The following PPP3CA variants were observed in gnomAD, a reference collection of about 807,000 sequenced individuals.
The protein encoded by PPP3CA is CAM-PRP catalytic subunit.
A neutral mutation model predicts 66.5 loss-of-function variants in PPP3CA; 14 were observed. The ratio of observed to expected loss-of-function variants is 0.21; its 90% CI spans 0.14 to 0.33. The LOEUF is 0.33. Ranked by LOEUF, PPP3CA falls within the 10% of genes least tolerant of loss-of-function variation. The pLI is 1.00. For missense variants in PPP3CA, 317 were observed against 639.5 expected (o/e 0.50, Z 5.44); for synonymous variants, 232 against 226.2 (o/e 1.03, Z -0.23).
intron 1 of PPP3CA, among the ~76,000 whole-genome samples, chr4:101,282,561 C>T (rs572173901): frequency 1.3e-5 from 2 of 152,348 alleles, no homozygotes; most frequent in East Asian, 3.9e-4. Flanking sequence ...GTTTGACTCA[C>T]ACTCATTCTG....
chr4:101,046,192 A>G (rs1184392750), intron 10 of PPP3CA, among the ~76,000 whole-genome samples: 1 of 152,190 alleles, frequency 6.6e-6, no homozygotes, highest in Non-Finnish European at 1.5e-5. Context: ...TTTTGTTTTA[A>G]AAGTCTAATC....
rs536095921 is a variant in PPP3CA, at chr4:101,274,106, ACCAG to A, written c.58+72629_58+72632del. 3.7e-3 allele frequency among the ~76,000 whole-genome samples: 564 copies of A among 152,230 alleles called. 2 individuals are homozygous for A. Among genetic ancestry groups the A allele is most frequent in the African/African-American group, 0.013 (535 of 41,538 alleles). On this transcript the variant is annotated intron_variant, in intron 1 of 13. Transcript: ENST00000394854. ...GATCACCTGAGGTCAGGAGTTCAAG[ACCAG>A]CCTGGCCAACATGGTAAAACCCCGT...
intron 1 of PPP3CA, among the ~76,000 whole-genome samples, chr4:101,203,913 A>G (rs753437797): frequency 6.6e-6 from 1 of 152,216 alleles, no homozygotes. Flanking sequence ...AGTTATTTTA[A>G]TGGTTTCAAA....
At chr4:101,102,752 ATTAG>A in intron 3 of PPP3CA, among the ~76,000 whole-genome samples, 1 of 152,194 alleles carries the variant, frequency 6.6e-6, no homozygotes, top group Non-Finnish European at 1.5e-5. Flanking sequence ...GTGAAATACA[ATTAG>A]TTAATTGTTT....
chr4:101,315,139 G>A (rs1243111526), intron 1 of PPP3CA, among the ~76,000 whole-genome samples: 3 of 152,076 alleles, frequency 2.0e-5, no homozygotes, highest in Non-Finnish European at 2.9e-5. Context: ...TGGGATTCAC[G>A]TCTTTAAAAA....
At chr4:101,090,965 T>C (rs1175716878) in intron 6 of PPP3CA, among the ~76,000 whole-genome samples, 1 of 149,494 alleles carries the variant, frequency 6.7e-6, no homozygotes, top group Non-Finnish European at 1.5e-5. Flanking sequence ...CATATCTGTG[T>C]CTATATTATA....
intron 3 of PPP3CA, among the ~76,000 whole-genome samples, chr4:101,104,012 A>C (rs950858753): frequency 2.6e-5 from 4 of 152,206 alleles, no homozygotes; most frequent in African/African-American, 9.6e-5. Flanking sequence ...AATGATTTCT[A>C]ATTTTGGCAA....
intron 2 of PPP3CA, among the ~76,000 whole-genome samples, chr4:101,167,073 T>C (rs764490044): frequency 3.3e-5 from 5 of 152,184 alleles, no homozygotes; most frequent in Non-Finnish European, 7.4e-5. Flanking sequence ...CCAAATTCCA[T>C]TCTCTTAACT....
chr4:101,038,430 C>T (rs948691310), intron 11 of PPP3CA, among the ~76,000 whole-genome samples: 13 of 150,058 alleles, frequency 8.7e-5, no homozygotes, highest in East Asian at 3.9e-4. Context: ...AGTGCAGTGG[C>T]GCGATCTCGG....
chr4:101,303,282 A>C (rs1728435056), intron 1 of PPP3CA, among the ~76,000 whole-genome samples: 1 of 152,176 alleles, frequency 6.6e-6, no homozygotes, highest in Admixed American at 6.5e-5. Context: ...TGTAATATTC[A>C]TATTCATTTC....
intron 3 of PPP3CA, among the ~76,000 whole-genome samples, chr4:101,104,433 G>T (rs1173435162): frequency 1.3e-5 from 2 of 150,756 alleles, no homozygotes; most frequent in African/African-American, 4.9e-5. Flanking sequence ...ATAATAGTGT[G>T]TACCAGTTTC....
Position 101,025,151 on chromosome 4 carries a change from T to C in PPP3CA, c.*714A>G, listed in dbSNP as rs1340055256. The C allele has an allele frequency of 6.6e-6, 1 of 152,414 alleles. No individual in the cohort carries two copies. The highest frequency in any genetic ancestry group is 6.6e-5 in the Admixed American group (1 of 15,252). The allele number at this position is 152,414 out of a possible 1,614,324, so 9.4% of individuals were successfully genotyped here. On this transcript the variant is annotated 3_prime_UTR_variant, in exon 14 of 14. Transcript: ENST00000394854. The stretch of plus-strand genomic sequence containing the variant: ...AGTTTTTTTAAAACTTAAAAGATAT[T>C]CCATTGCCGAATTAAGAAGAAGATA...
intron 1 of PPP3CA, among the ~76,000 whole-genome samples, chr4:101,292,732 G>A (rs771923298): frequency 1.3e-5 from 2 of 152,042 alleles, no homozygotes; most frequent in Non-Finnish European, 2.9e-5. Context: ...CTTAGGATAG[G>A]GCAAACAACA....
At chr4:101,299,455 A>AC (rs1478131506) in intron 1 of PPP3CA, among the ~76,000 whole-genome samples, 1 of 150,578 alleles carries the variant, frequency 6.6e-6, no homozygotes, top group Non-Finnish European at 1.5e-5. Flanking sequence ...CAATCCTCCC[A>AC]CCTCTGCCTG....
At position 101,024,918 on chromosome 4, in the gene PPP3CA, T is replaced by G. The variant is rs1726556330; in HGVS notation, c.*947A>C. On this transcript the variant is annotated 3_prime_UTR_variant, in exon 14 of 14. Coordinates refer to ENST00000394854, the MANE Select transcript of PPP3CA (RefSeq NM_000944.5). ...CATACAGGCCGATACAGCCATTTTT[T>G]TTTTCTTAAAAAACATGCATAGGCA... is the stretch of plus-strand genomic sequence containing the variant. 6.6e-6 allele frequency: 1 copy of G among 152,360 alleles called. No homozygotes were observed. The highest frequency in any genetic ancestry group is 1.5e-5 in the Non-Finnish European group (1 of 68,036). 9.4% of individuals were successfully genotyped at this position (152,360 alleles called of 1,614,324 possible). A position where few individuals can be genotyped will look rare whatever the true frequency, so the allele number is the denominator to read the frequency against.
chr4:101,341,870 A>T (rs1026683376), intron 1 of PPP3CA, among the ~76,000 whole-genome samples: 4 of 152,200 alleles, frequency 2.6e-5, no homozygotes, highest in Non-Finnish European at 2.9e-5. Context: ...TCATAGTTCT[A>T]GAAGTATTCA....
intron 2 of PPP3CA, among the ~76,000 whole-genome samples, chr4:101,136,724 A>G (rs1482096277): frequency 6.6e-6 from 1 of 151,908 alleles, no homozygotes; most frequent in African/African-American, 2.4e-5. Flanking sequence ...TCCTTCCTAC[A>G]AAGCATTTGG....
Position 101,093,768 on chromosome 4 carries a change from A to G in PPP3CA, c.782+8T>C, listed in dbSNP as rs757362130. 1.6e-5 allele frequency: 25 copies of G among 1,602,424 alleles called. No homozygotes were observed. The highest frequency in any genetic ancestry group is 8.1e-5 in the African/African-American group (6 of 74,476). On this transcript the variant is annotated splice_region_variant and intron_variant, in intron 6 of 13. Transcript: ENST00000394854. ...ACGTGTTCCAGAGAGCAAGTTCTCT[A>G]TTCTTACCTGTAGAAGTATGAACAC...
chr4:101,198,826 C>T (rs1356496507), intron 1 of PPP3CA, among the ~76,000 whole-genome samples: 1 of 152,094 alleles, frequency 6.6e-6, no homozygotes, highest in Non-Finnish European at 1.5e-5. Context: ...ATTGCTAATC[C>T]TAAGGTAACT....
Sources: gnomAD v4.1 joint callset for allele counts (sites outside exome capture counted in the v4.1 genomes callset) on GRCh38, gnomAD v4.1.1 for gene constraint, MANE v1.5 for transcripts, NCBI Gene and HGNC (gene_info 2026-07-23, HGNC 2026-07-21) for gene names.